The following CLEC16A variants were observed in gnomAD, a reference collection of about 807,000 sequenced individuals.
CLEC16A encodes C-type lectin domain containing 16A.
Under a neutral mutation model 109.5 loss-of-function variants are expected in CLEC16A, and 51 were observed. The ratio of observed to expected loss-of-function variants is 0.47; its 90% CI spans 0.37 to 0.59. The LOEUF (loss-of-function observed/expected upper bound fraction) is 0.59. Ranked by LOEUF, CLEC16A falls within the 20% of genes least tolerant of loss-of-function variation. The pLI is 0.00. For synonymous variants in CLEC16A, 673 were observed against 564.2 expected, an observed-to-expected ratio of 1.19 and a Z score of -2.73; for missense variants, 1,339 against 1,394.0, an observed-to-expected ratio of 0.96 and a Z score of 0.63.
chr16:11,036,424 C>T (rs2152839803), intron 13 of CLEC16A, among the ~76,000 whole-genome samples: 1 of 152,342 alleles, frequency 6.6e-6, no homozygotes, highest in South Asian at 2.1e-4. Context: ...TAGGATCCAA[C>T]CTGAGCAGCT....
chr16:11,166,861 G>A (rs941178270), intron 23 of CLEC16A, among the ~76,000 whole-genome samples: 4 of 152,186 alleles, frequency 2.6e-5, no homozygotes, highest in Middle Eastern at 3.2e-3. Flanking sequence ...CACCTCCACA[G>A]TCTTAGGTGT....
intron 19 of CLEC16A, among the ~76,000 whole-genome samples, chr16:11,081,774 A>T (rs779895364): frequency 6.6e-6 from 1 of 152,256 alleles, no homozygotes; most frequent in Non-Finnish European, 1.5e-5. Context: ...AGAGAGTTCC[A>T]GTCATTAAAT....
chr16:11,000,954 T>C (rs1278123430), intron 10 of CLEC16A, among the ~76,000 whole-genome samples: 2 of 152,190 alleles, frequency 1.3e-5, no homozygotes, highest in Non-Finnish European at 2.9e-5. Flanking sequence ...TTTTGAAACT[T>C]TTTTTAAATT....
chr16:10,998,116 G>T (rs1012090395), intron 10 of CLEC16A, among the ~76,000 whole-genome samples: 3 of 152,174 alleles, frequency 2.0e-5, no homozygotes, highest in Admixed American at 1.3e-4. Flanking sequence ...GATCCCTGGG[G>T]ATTCACCTTT....
intron 15 of CLEC16A, 66 bp downstream of exon 15, chr16:11,042,429 C>A: frequency 7.8e-7 from 1 of 1,286,560 alleles, no homozygotes; most frequent in Non-Finnish European, 1.1e-6. Flanking sequence ...AGGAGGGAAG[C>A]TGCTGGCATC....
At chr16:11,162,281 C>G (rs1461928474) in intron 22 of CLEC16A, among the ~76,000 whole-genome samples, 1 of 152,208 alleles carries the variant, frequency 6.6e-6, no homozygotes, top group Non-Finnish European at 1.5e-5. Flanking sequence ...TTTCCCCCCA[C>G]TGTTGGAGTG....
intron 19 of CLEC16A, among the ~76,000 whole-genome samples, chr16:11,106,744 C>G (rs894366538): frequency 6.6e-6 from 1 of 152,020 alleles, no homozygotes; most frequent in African/African-American, 2.4e-5. Flanking sequence ...GCCTCAGTAC[C>G]CTTCTCCCCA....
chr16:11,168,698 C>G (rs1395603177), intron 23 of CLEC16A, among the ~76,000 whole-genome samples: 2 of 152,386 alleles, frequency 1.3e-5, no homozygotes, highest in South Asian at 2.1e-4. Flanking sequence ...TCCCAGTCCA[C>G]CCAGACCAAA....
Position 11,171,311 on chromosome 16 carries a change from G to T in CLEC16A, c.2806+4759G>T, listed in dbSNP as rs145726804. On this transcript the variant is annotated intron_variant, in intron 23 of 23. Coordinates refer to ENST00000409790, the MANE Select transcript of CLEC16A (RefSeq NM_015226.3). ...ACCTGCCTCTGAGCCTCCTTCGCAC[G>T]CCAGAGGCAGAGCTATGGGTGCCCT... is the stretch of plus-strand genomic sequence containing the variant. 3.9e-5 allele frequency among the ~76,000 whole-genome samples: 6 copies of T among 152,196 alleles called. No homozygotes were observed. In the South Asian group the frequency reaches 6.2e-4, roughly 16 times the overall value.
intron 19 of CLEC16A, chr16:11,066,650 T>G (rs2048777046): frequency 6.6e-6 from 1 of 152,264 alleles, no homozygotes; most frequent in South Asian, 2.1e-4. Flanking sequence ...GGTGCAATTT[T>G]GGGTCATTTT....
chr16:11,018,227 G>A (rs1048593526), intron 11 of CLEC16A, among the ~76,000 whole-genome samples: 13 of 150,198 alleles, frequency 8.7e-5, no homozygotes, highest in African/African-American at 3.2e-4. Context: ...AGGCTACAGT[G>A]AGCCATGATC....
At chr16:11,135,878 G>C (rs2053531669) in intron 22 of CLEC16A, among the ~76,000 whole-genome samples, 1 of 152,220 alleles carries the variant, frequency 6.6e-6, no homozygotes, top group African/African-American at 2.4e-5. Context: ...CCACACGTAG[G>C]ATAGAGCTCT....
At chr16:10,965,668 GAC>G (rs1413716497) in intron 3 of CLEC16A, among the ~76,000 whole-genome samples, 1 of 152,212 alleles carries the variant, frequency 6.6e-6, no homozygotes, top group South Asian at 2.1e-4. Flanking sequence ...TGACCTAAGT[GAC>G]AGAGTCCCGA....
intron 13 of CLEC16A, among the ~76,000 whole-genome samples, chr16:11,033,325 G>T (rs2046849785): frequency 6.6e-6 from 1 of 152,158 alleles, no homozygotes; most frequent in Non-Finnish European, 1.5e-5. Context: ...GCCTGGGTAA[G>T]GCTCAGGTTC....
rs115361979 is a variant in CLEC16A, at chr16:11,056,044, G to A, written c.1995+4403G>A. Reference sequence around the variant, plus strand: ...AACAGCAAGGGGTCCACTGAGCCATGCCAGCTGAGAAGGGAAATTCATGTT... The same window carrying A: ...AACAGCAAGGGGTCCACTGAGCCATACCAGCTGAGAAGGGAAATTCATGTT... On this transcript the variant is annotated intron_variant, in intron 18 of 23. Transcript: ENST00000409790. 8.4e-3 allele frequency among the ~76,000 whole-genome samples: 1,280 copies of A among 152,276 alleles called. 12 individuals are homozygous for A. The highest frequency in any genetic ancestry group is 0.029 in the African/African-American group (1,214 of 41,530).
At chr16:11,173,717 C>G (rs1487729263) in intron 23 of CLEC16A, among the ~76,000 whole-genome samples, 1 of 152,182 alleles carries the variant, frequency 6.6e-6, no homozygotes, top group East Asian at 1.9e-4. Flanking sequence ...ACACCCTGCC[C>G]TCCTCACACT....
In CLEC16A at chr16:11,123,906, C is replaced by G. The variant is rs1267759403; in HGVS notation, c.2433C>G (p.Gly811=). ...TCGCCAAGCAGCGCCTGGCCAAAGG[C>G]CGCATCCAGGCAAGGCGCATGAAGA... ...CIIAKQRLAK[G]RIQARRMKMQ... The change falls in exon 21 of 24, where the codon GGC becomes GGG. Residue 811 remains glycine, a synonymous_variant. Transcript: ENST00000409790. 1.7e-5 allele frequency: 27 copies of G among 1,613,676 alleles called. No homozygotes were observed. Among genetic ancestry groups the G allele is most frequent in the Non-Finnish European group, 2.3e-5 (27 of 1,179,844 alleles).
chr16:11,061,058 G>GGGGACAT lies in CLEC16A; in HGVS notation c.2116+50_2116+56dup, dbSNP rs145270300. 4.8e-4 allele frequency: 763 copies of GGGGACAT among 1,573,248 alleles called. 5 individuals are homozygous for GGGGACAT. In the African/African-American group the frequency reaches 8.7e-3, roughly 18 times the overall value. On this transcript the variant is annotated intron_variant, in intron 19 of 23. Transcript: ENST00000409790. The stretch of plus-strand genomic sequence containing the variant: ...TGCTCTGAGTCACAGCAGGGGGCTG[G>GGGGACAT]GGGACATGGGACATGGGACACCACT...
intron 17 of CLEC16A, among the ~76,000 whole-genome samples, chr16:11,049,991 G>C (rs1307360308): frequency 6.6e-6 from 1 of 152,216 alleles, no homozygotes; most frequent in Non-Finnish European, 1.5e-5. Context: ...CATTCACCGG[G>C]TGTCTCAGTA....
Sources: gnomAD v4.1 joint callset for allele counts (sites outside exome capture counted in the v4.1 genomes callset) on GRCh38, gnomAD v4.1.1 for gene constraint, MANE v1.5 for transcripts, NCBI Gene and HGNC (gene_info 2026-07-23, HGNC 2026-07-21) for gene names.